Variants in LRP1B observed in about 807,000 individuals in gnomAD.
LRP1B encodes LDL receptor related protein 1B, also known as low-density lipoprotein receptor-related protein 1B.
In LRP1B, 217 loss-of-function variants were observed where a neutral mutation model predicts 556.6. The ratio of observed to expected loss-of-function variants is 0.39; its 90% CI spans 0.35 to 0.44. LRP1B has a LOEUF of 0.44. LRP1B is among the 20% of genes least tolerant of loss of function. The pLI is 1.00. For synonymous variants in LRP1B, 2,047 were observed against 1,865.8 expected (o/e 1.10, Z -2.50); for missense variants, 5,053 against 5,620.8 (o/e 0.90, Z 3.23).
rs748078494 is a variant in LRP1B, at chr2:140,234,777, TTC to T, written c.13659+7_13659+8del. The T allele has an allele frequency of 3.0e-5, 23 of 772,276 alleles. No individual in the cohort carries two copies. The African/African-American group carries it at 3.4e-4, about 11-fold the overall frequency. The allele number at this position is 772,276 out of a possible 1,614,324, so 47.8% of individuals were successfully genotyped here. A position where few individuals can be genotyped will look rare whatever the true frequency, so the allele number is the denominator to read the frequency against. On this transcript the variant is annotated splice_region_variant and intron_variant, in intron 90 of 90. Coordinates refer to ENST00000389484, the MANE Select transcript of LRP1B (RefSeq NM_018557.3). ...AACGGACATGAAATAACGAATATTCTTCTCTCACCCCAGCAGTTAGTGGTCCT... is the reference window on the plus strand; with the variant it reads ...AACGGACATGAAATAACGAATATTCTTCTCACCCCAGCAGTTAGTGGTCCT...
At chr2:140,334,914 T>C (rs1382075100) in intron 78 of LRP1B, among the ~76,000 whole-genome samples, 1 of 152,046 alleles carries the variant, frequency 6.6e-6, no homozygotes, top group Non-Finnish European at 1.5e-5. Context: ...ATAGTCATTT[T>C]ATTATGGATG....
intron 11 of LRP1B, among the ~76,000 whole-genome samples, chr2:141,031,615 G>T (rs1453063172): frequency 6.6e-6 from 1 of 151,838 alleles, no homozygotes; most frequent in Non-Finnish European, 1.5e-5. Flanking sequence ...TTTAATAGCT[G>T]GTTAAGTAAT....
chr2:140,315,983 T>C (rs1441810926), intron 82 of LRP1B, among the ~76,000 whole-genome samples: 2 of 152,146 alleles, frequency 1.3e-5, no homozygotes, highest in Admixed American at 6.6e-5. Context: ...TCTACCTACT[T>C]AATAACATTT....
rs1317498225 is a variant in LRP1B, at chr2:140,867,983, T to A, written c.4334+116A>T. On this transcript the variant is annotated intron_variant, in intron 26 of 90. Transcript: ENST00000389484. ...TGATTTGGGGCAAGCAAAAAAAAAA[T>A]ACACCTCCAATTTTAATATATGTAT... The A allele has an allele frequency of 2.7e-5, 34 of 1,268,280 alleles. 1 individual carries two copies. The South Asian group carries it at 5.0e-4, about 19-fold the overall frequency. The allele number at this position is 1,268,280 out of a possible 1,614,324, so 78.6% of individuals were successfully genotyped here.
chr2:140,701,958 A>C, intron 39 of LRP1B, 113 bp from the exon 40 acceptor site: 1 of 1,382,880 alleles, frequency 7.2e-7, no homozygotes, highest in South Asian at 1.3e-5. Flanking sequence ...AACCAACTTT[A>C]GTCTGTGACA....
At position 141,654,261 on chromosome 2, in the gene LRP1B, A is replaced by C. The variant is rs138723335; in HGVS notation, c.205+156018T>G. On this transcript the variant is annotated intron_variant, in intron 2 of 90. Transcript: ENST00000389484. ...CAAACTGATTATGTATTTGTATTGCAATATAAACCATCAGACCCTTTGTAA... is the reference window on the plus strand; with the variant it reads ...CAAACTGATTATGTATTTGTATTGCCATATAAACCATCAGACCCTTTGTAA... Among the ~76,000 whole-genome samples the C allele has an allele frequency of 2.6e-5, 4 of 152,324 alleles. No homozygotes were observed. In the East Asian group the frequency reaches 7.7e-4, roughly 29 times the overall value.
At chr2:141,524,265 T>TATATAC (rs1331170407) in intron 2 of LRP1B, among the ~76,000 whole-genome samples, 1 of 150,248 alleles carries the variant, frequency 6.7e-6, no homozygotes, top group South Asian at 2.1e-4. Flanking sequence ...AAGCAAAGAA[T>TATATAC]ATATATATAT....
intron 43 of LRP1B, among the ~76,000 whole-genome samples, chr2:140,588,896 G>T (rs1017569475): frequency 2.7e-5 from 4 of 150,694 alleles, no homozygotes; most frequent in African/African-American, 7.4e-5. Flanking sequence ...GGAGGCAGAG[G>T]TTGCAGTGAG....
intron 5 of LRP1B, among the ~76,000 whole-genome samples, chr2:141,240,856 C>T (rs994425348): frequency 8.6e-5 from 13 of 151,956 alleles, no homozygotes; most frequent in Admixed American, 1.3e-4. Flanking sequence ...GGAAGACATG[C>T]TTTTTTTCCA....
intron 41 of LRP1B, among the ~76,000 whole-genome samples, chr2:140,615,607 T>C (rs1217365053): frequency 2.0e-5 from 3 of 152,204 alleles, no homozygotes; most frequent in Admixed American, 1.3e-4. Context: ...AAATTTGTGG[T>C]TGGGGGAGAG....
intron 2 of LRP1B, among the ~76,000 whole-genome samples, chr2:141,523,384 A>G (rs1684590641): frequency 6.6e-6 from 1 of 152,128 alleles, no homozygotes; most frequent in South Asian, 2.1e-4. Flanking sequence ...TCTAGTTATG[A>G]CAGGTAACCT....
chr2:141,488,679 T>G (rs995037155), intron 2 of LRP1B, among the ~76,000 whole-genome samples: 3 of 152,018 alleles, frequency 2.0e-5, no homozygotes, highest in Non-Finnish European at 2.9e-5. Flanking sequence ...CAGGCTGGTC[T>G]CAAACTCCTA....
intron 2 of LRP1B, among the ~76,000 whole-genome samples, chr2:141,585,422 CGTGT>C (rs3041302): frequency 0.094 from 12,135 of 129,106 alleles, 562 homozygotes; most frequent in African/African-American, 0.12. Flanking sequence ...CTGAAATAAT[CGTGT>C]GTGTGTGTGT....
At chr2:140,837,004 A>G (rs1180287395) in intron 31 of LRP1B, among the ~76,000 whole-genome samples, 1 of 152,222 alleles carries the variant, frequency 6.6e-6, no homozygotes, top group African/African-American at 2.4e-5. Flanking sequence ...TTCCTCTACT[A>G]CATTGCTACG....
intron 2 of LRP1B, among the ~76,000 whole-genome samples, chr2:141,608,148 C>T (rs879655297): frequency 1.2e-4 from 18 of 152,072 alleles, no homozygotes; most frequent in African/African-American, 3.6e-4. Flanking sequence ...CGCTTGAACC[C>T]GGGAGGTGGA....
chr2:141,675,659 A>C (rs1005179388), intron 2 of LRP1B, among the ~76,000 whole-genome samples: 1 of 127,444 alleles, frequency 7.8e-6, no homozygotes, highest in Admixed American at 9.2e-5. Context: ...CCTAGCTTCT[A>C]ATTATTTTAA....
intron 41 of LRP1B, among the ~76,000 whole-genome samples, chr2:140,620,538 TTTAA>T (rs1354916646): frequency 6.6e-6 from 1 of 152,178 alleles, no homozygotes; most frequent in African/African-American, 2.4e-5. Context: ...AAACATAACC[TTTAA>T]TTAATTATGT....
chr2:140,450,667 AAAAG>A lies in LRP1B; in HGVS notation c.9964-10_9964-7del. On this transcript the variant is annotated splice_region_variant and splice_polypyrimidine_tract_variant and intron_variant, in intron 62 of 90. Coordinates refer to ENST00000389484, the MANE Select transcript of LRP1B (RefSeq NM_018557.3). ...TTGTCAGTTTTGCAACGAAACTTAA[AAAAG>A]AAAAAAAGAAAAAAAAATGTTGAAG... The A allele has an allele frequency of 6.4e-7, 1 of 1,571,816 alleles. No individual in the cohort carries two copies.
intron 66 of LRP1B, among the ~76,000 whole-genome samples, chr2:140,428,743 T>C (rs1281261886): frequency 2.0e-5 from 3 of 152,172 alleles, no homozygotes; most frequent in Non-Finnish European, 4.4e-5. Context: ...CTACCGTCTT[T>C]TCAAGGGCCT....
Sources: gnomAD v4.1 joint callset for allele counts (sites outside exome capture counted in the v4.1 genomes callset) on GRCh38, gnomAD v4.1.1 for gene constraint, MANE v1.5 for transcripts, NCBI Gene and HGNC (gene_info 2026-07-23, HGNC 2026-07-21) for gene names.